Variants in SCML4 observed in about 807,000 individuals in gnomAD.
The protein encoded by SCML4 is sex comb on midleg-like protein 4.
In SCML4, 34 loss-of-function variants were observed where a neutral mutation model predicts 41.1. That is an observed-to-expected ratio of 0.83 (90% CI 0.63 to 1.10). SCML4 has a LOEUF of 1.10. SCML4 is among the 50% of genes least tolerant of loss of function. The probability of loss-of-function intolerance (pLI) is 0.00; values close to 1 mark genes in which losing one functional copy is unlikely to be tolerated. For synonymous variants in SCML4, 214 were observed against 220.9 expected, an observed-to-expected ratio of 0.97 and a Z score of 0.28; for missense variants, 522 against 534.1, an observed-to-expected ratio of 0.98 and a Z score of 0.22.
chr6:107,729,346 C>T (rs913690498), intron 5 of SCML4, among the ~76,000 whole-genome samples: 2 of 152,144 alleles, frequency 1.3e-5, no homozygotes, highest in Non-Finnish European at 2.9e-5. Context: ...GGAGACAGCG[C>T]TCCAATCTCT....
intron 2 of SCML4, among the ~76,000 whole-genome samples, chr6:107,751,616 T>G (rs1466582290): frequency 6.8e-6 from 1 of 147,600 alleles, no homozygotes; most frequent in Admixed American, 6.8e-5. Context: ...CTTTCTTTCT[T>G]TCTTTCTTTC....
chr6:107,726,054 G>T (rs1352147681), intron 5 of SCML4, among the ~76,000 whole-genome samples: 1 of 133,104 alleles, frequency 7.5e-6, no homozygotes, highest in African/African-American at 2.9e-5. Context: ...TCCAGCCTGA[G>T]CAACGGAGCA....
At chr6:107,737,633 C>T (rs1777202598) in intron 5 of SCML4, among the ~76,000 whole-genome samples, 1 of 152,194 alleles carries the variant, frequency 6.6e-6, no homozygotes, top group Non-Finnish European at 1.5e-5. Flanking sequence ...CTCTATCACT[C>T]AGGGTGTGGC....
At chr6:107,839,738 G>A in the SCML4 span, among the ~76,000 whole-genome samples, 1 of 152,062 alleles carries the variant, frequency 6.6e-6, no homozygotes, top group Non-Finnish European at 1.5e-5. Flanking sequence ...GAGCTCACAA[G>A]TACTATAAAT....
upstream of SCML4, among the ~76,000 whole-genome samples, chr6:107,825,795 G>A (rs1335387584): frequency 1.3e-5 from 2 of 151,904 alleles, no homozygotes; most frequent in East Asian, 3.9e-4. Flanking sequence ...AAATTAGCTG[G>A]GCGTGGTGGC....
At chr6:107,755,666 T>TA (rs11433930) in intron 2 of SCML4, 191,930 of 1,047,298 alleles carry the variant, frequency 0.18, 2,314 homozygotes, top group Non-Finnish European at 0.19. Context: ...CTTAGGTTTC[T>TA]AAAAAAAAAA....
rs112322774 is a variant in SCML4, at chr6:107,707,760, C to T, written c.1119+106G>A. Reference sequence around the variant, plus strand: ...GCCCCTAGGGCTTAGTTTAGAGCACCCCTCCACCACCTCCCCTGGCAGCAT... The same window carrying T: ...GCCCCTAGGGCTTAGTTTAGAGCACTCCTCCACCACCTCCCCTGGCAGCAT... On this transcript the variant is annotated intron_variant, in intron 7 of 7. Coordinates refer to ENST00000369020, the MANE Select transcript of SCML4 (RefSeq NM_198081.5). The T allele has an allele frequency of 2.8e-4, 397 of 1,428,884 alleles. No homozygotes were observed. The African/African-American group carries it at 4.7e-3, about 17-fold the overall frequency. The allele number at this position is 1,428,884 out of a possible 1,614,324, so 88.5% of individuals were successfully genotyped here. A position where few individuals can be genotyped will look rare whatever the true frequency, so the allele number is the denominator to read the frequency against.
At chr6:107,750,516 G>A (rs568191349) in intron 2 of SCML4, among the ~76,000 whole-genome samples, 2 of 152,274 alleles carry the variant, frequency 1.3e-5, no homozygotes, top group South Asian at 4.2e-4. Context: ...ACAGAGACAA[G>A]CTTTTAATCT....
upstream of SCML4, among the ~76,000 whole-genome samples, chr6:107,826,907 C>CA (rs59883169): frequency 0.26 from 39,172 of 151,656 alleles, 6,997 homozygotes; most frequent in African/African-American, 0.51. Context: ...ACTAAAAATA[C>CA]AAAAAATTAG....
intron 2 of SCML4, among the ~76,000 whole-genome samples, chr6:107,757,800 C>T (rs1779234351): frequency 6.6e-6 from 1 of 152,264 alleles, no homozygotes; most frequent in East Asian, 1.9e-4. Context: ...AAATAAGTCC[C>T]AAGTTTCTTG....
chr6:107,845,320 GTC>G, the SCML4 span, among the ~76,000 whole-genome samples: 1 of 152,210 alleles, frequency 6.6e-6, no homozygotes, highest in Admixed American at 6.5e-5. Context: ...AGGTCAAACA[GTC>G]TGTCCTAATG....
chr6:107,806,758 G>A (rs1345390953), intron 1 of SCML4, among the ~76,000 whole-genome samples: 1 of 152,250 alleles, frequency 6.6e-6, no homozygotes, highest in Non-Finnish European at 1.5e-5. Context: ...AAAGAGGTGA[G>A]GATGGAGGTT....
chr6:107,818,527 T>C (rs1408065115), intron 1 of SCML4, among the ~76,000 whole-genome samples: 1 of 152,198 alleles, frequency 6.6e-6, no homozygotes, highest in Admixed American at 6.5e-5. Context: ...AATTTCCCAA[T>C]AATGAGGGCA....
chr6:107,706,734 A>T (rs1773669594), intron 7 of SCML4, among the ~76,000 whole-genome samples: 1 of 152,118 alleles, frequency 6.6e-6, no homozygotes, highest in African/African-American at 2.4e-5. Context: ...AAAGCTCCTT[A>T]AACGTGGAAG....
At chr6:107,774,885 T>C (rs1780800423) in intron 1 of SCML4, among the ~76,000 whole-genome samples, 2 of 151,540 alleles carry the variant, frequency 1.3e-5, no homozygotes, top group African/African-American at 4.9e-5. Flanking sequence ...TAGCTGGGCA[T>C]GGTGGCAGGC....
At chr6:107,749,881 C>T in intron 2 of SCML4, 68 bp from the exon 3 acceptor site, 1 of 1,545,906 alleles carries the variant, frequency 6.5e-7, no homozygotes, top group Non-Finnish European at 8.9e-7. Context: ...CAGATTCTGT[C>T]CTAGACGGCA....
chr6:107,839,075 G>A, the SCML4 span, among the ~76,000 whole-genome samples: 1 of 152,118 alleles, frequency 6.6e-6, no homozygotes, highest in Non-Finnish European at 1.5e-5. Context: ...CAAGGCAGGA[G>A]GATCGCTTGA....
At chr6:107,803,136 C>A (rs931902774) in intron 1 of SCML4, among the ~76,000 whole-genome samples, 3 of 147,984 alleles carry the variant, frequency 2.0e-5, no homozygotes, top group African/African-American at 8.0e-5. Flanking sequence ...CAGCAAAGTG[C>A]CGAGATTGCG....
At chr6:107,764,365 C>T (rs754746694) in intron 2 of SCML4, among the ~76,000 whole-genome samples, 1 of 152,170 alleles carries the variant, frequency 6.6e-6, no homozygotes, top group Non-Finnish European at 1.5e-5. Context: ...GTAAAATTAC[C>T]CAAATAAAAT....
Sources: gnomAD v4.1 joint callset for allele counts (sites outside exome capture counted in the v4.1 genomes callset) on GRCh38, gnomAD v4.1.1 for gene constraint, MANE v1.5 for transcripts, NCBI Gene and HGNC (gene_info 2026-07-23, HGNC 2026-07-21) for gene names.